Variants in ARNT2 observed in about 807,000 individuals in gnomAD.
ARNT2 encodes the protein aryl hydrocarbon receptor nuclear translocator 2.
In ARNT2, 36 loss-of-function variants were observed where a neutral mutation model predicts 91.7. That is an observed-to-expected ratio of 0.39 (90% CI 0.30 to 0.52). The LOEUF is 0.52. Among genes scored for constraint, ARNT2 ranks in the 20% least tolerant of loss-of-function variants. ARNT2 has a pLI of 0.72. For missense variants in ARNT2, 775 were observed against 939.3 expected (o/e 0.83, Z 2.29); for synonymous variants, 365 against 347.1 (o/e 1.05, Z -0.57).
At chr15:80,528,483 A>G (rs1048928235) in intron 8 of ARNT2, among the ~76,000 whole-genome samples, 4 of 151,828 alleles carry the variant, frequency 2.6e-5, no homozygotes, top group Admixed American at 2.6e-4. Context: ...CCATCTAACT[A>G]TCTATCTACT....
chr15:80,591,819 C>A lies in ARNT2; in HGVS notation c.2055+115C>A, dbSNP rs562542646. The A allele has an allele frequency of 6.6e-7, 1 of 1,510,600 alleles. No individual in the cohort carries two copies. Among genetic ancestry groups the A allele is most frequent in the African/African-American group, 1.4e-5 (1 of 73,000 alleles). 93.6% of individuals were successfully genotyped at this position (1,510,600 alleles called of 1,614,324 possible). A position where few individuals can be genotyped will look rare whatever the true frequency, so the allele number is the denominator to read the frequency against. ...CCGATAGCCGTCGTGAGTTCTGGCC[C>A]AGCCTGGGCTCGAGGGAGTCCAGGA... On this transcript the variant is annotated intron_variant, in intron 18 of 18. Transcript: ENST00000303329. The surrounding 1 kb of genome is among the most constrained non-coding windows in gnomAD (Gnocchi z 5.1).
intron 12 of ARNT2, among the ~76,000 whole-genome samples, chr15:80,563,634 G>A (rs1898413740): frequency 6.6e-6 from 1 of 152,168 alleles, no homozygotes; most frequent in Admixed American, 6.5e-5. Context: ...AGCCGGGGGT[G>A]GAGGAAGGGA....
intron 18 of ARNT2, among the ~76,000 whole-genome samples, chr15:80,592,130 G>A (rs770403542): frequency 6.6e-6 from 1 of 152,142 alleles, no homozygotes; most frequent in Admixed American, 6.5e-5. Context: ...CCCTTGCTCA[G>A]TGCCAGCCTT....
At chr15:80,588,465 G>T (rs1047072234) in intron 17 of ARNT2, among the ~76,000 whole-genome samples, 2 of 151,848 alleles carry the variant, frequency 1.3e-5, no homozygotes, top group Non-Finnish European at 2.9e-5. Context: ...ACACATCTGT[G>T]TGCTTCCTGC....
At chr15:80,438,731 G>A (rs528311251) in intron 1 of ARNT2, among the ~76,000 whole-genome samples, 1 of 152,136 alleles carries the variant, frequency 6.6e-6, no homozygotes, top group East Asian at 1.9e-4. Context: ...GCACTGTCAC[G>A]TGGGCTGCAG....
chr15:80,461,663 G>A (rs918440430), intron 3 of ARNT2, among the ~76,000 whole-genome samples: 1 of 152,056 alleles, frequency 6.6e-6, no homozygotes, highest in Non-Finnish European at 1.5e-5. Flanking sequence ...CTTGGGGGTG[G>A]TCTGGGGGCA....
intron 8 of ARNT2, among the ~76,000 whole-genome samples, chr15:80,521,683 G>A (rs971076609): frequency 2.6e-5 from 4 of 151,978 alleles, no homozygotes; most frequent in Non-Finnish European, 4.4e-5. Context: ...TTGAAGAAAC[G>A]CCAATGCCAT....
intron 5 of ARNT2, among the ~76,000 whole-genome samples, chr15:80,480,389 G>A (rs956768343): frequency 3.3e-5 from 5 of 152,080 alleles, no homozygotes; most frequent in East Asian, 1.9e-4. Context: ...TGTGCCTTCC[G>A]GTGGCCTTTC....
At chr15:80,471,116 T>C (rs1896725820) in intron 4 of ARNT2, among the ~76,000 whole-genome samples, 1 of 152,246 alleles carries the variant, frequency 6.6e-6, no homozygotes, top group Non-Finnish European at 1.5e-5. Flanking sequence ...AGCAAAGACA[T>C]GGACTCAACA....
Position 80,485,462 on chromosome 15 carries a change from T to A in ARNT2, c.622+10239T>A, listed in dbSNP as rs142481708. 1.1e-3 allele frequency among the ~76,000 whole-genome samples: 169 copies of A among 152,304 alleles called. 1 individual carries two copies. Among genetic ancestry groups the A allele is most frequent in the African/African-American group, 4.0e-3 (165 of 41,570 alleles). On this transcript the variant is annotated intron_variant, in intron 5 of 18. Transcript: ENST00000303329. ...TAAAACCCATGTGGCCTGGCTCTTGTGGAGTTTACAGTTCAGTGGGGAAAA... is the reference window on the plus strand; with the variant it reads ...TAAAACCCATGTGGCCTGGCTCTTGAGGAGTTTACAGTTCAGTGGGGAAAA...
At chr15:80,503,105 G>A (rs1451663570) in intron 5 of ARNT2, among the ~76,000 whole-genome samples, 2 of 152,164 alleles carry the variant, frequency 1.3e-5, no homozygotes, top group Admixed American at 1.3e-4. Flanking sequence ...GGCTTCTGTG[G>A]GTCAGGAATG....
intron 8 of ARNT2, among the ~76,000 whole-genome samples, chr15:80,522,646 C>T (rs1055371869): frequency 6.6e-6 from 1 of 151,808 alleles, no homozygotes; most frequent in Admixed American, 6.6e-5. Flanking sequence ...TATATCTAAA[C>T]ATAGAAAAGG....
At chr15:80,441,305 A>G (rs949640269) in intron 1 of ARNT2, 1 of 984,998 alleles carries the variant, frequency 1.0e-6, no homozygotes, top group Non-Finnish European at 1.2e-6. Flanking sequence ...CATTTCTTCT[A>G]CACGGATAAC....
chr15:80,426,147 A>ATTTGCAATTCAATT (rs1259226781), intron 1 of ARNT2, among the ~76,000 whole-genome samples: 1 of 152,224 alleles, frequency 6.6e-6, no homozygotes, highest in East Asian at 1.9e-4. Flanking sequence ...TCAGTGAAGC[A>ATTTGCAATTCAATT]GCAAAATGCT....
intron 8 of ARNT2, among the ~76,000 whole-genome samples, chr15:80,538,323 A>G (rs1303055962): frequency 2.0e-5 from 3 of 152,232 alleles, no homozygotes; most frequent in Admixed American, 6.5e-5. Flanking sequence ...TAGATATTCA[A>G]TGTCAAATTT....
chr15:80,437,687 C>T (rs1243685993), intron 1 of ARNT2, among the ~76,000 whole-genome samples: 1 of 152,158 alleles, frequency 6.6e-6, no homozygotes, highest in East Asian at 1.9e-4. Context: ...TTCACAACTG[C>T]CGGCTTCTGT....
At position 80,429,246 on chromosome 15, in the gene ARNT2, G is replaced by A. The variant is rs563016503; in HGVS notation, c.32-21634G>A. On this transcript the variant is annotated intron_variant, in intron 1 of 18. Coordinates refer to ENST00000303329, the MANE Select transcript of ARNT2 (RefSeq NM_014862.4). ...GACAGCTTCAAGAAGGGGCTGGGCC[G>A]TGCTCTGTGCAGGATTAGAGGGTTG... Among the ~76,000 whole-genome samples the A allele has an allele frequency of 5.3e-5, 8 of 152,338 alleles. No homozygotes were observed. The East Asian group carries it at 7.7e-4, about 15-fold the overall frequency.
At chr15:80,558,139 C>CT (rs1284858397) in intron 11 of ARNT2, among the ~76,000 whole-genome samples, 1 of 152,136 alleles carries the variant, frequency 6.6e-6, no homozygotes, top group Admixed American at 6.6e-5. Context: ...TATCCTTCAG[C>CT]TTTCCACTCA....
chr15:80,581,202 T>C, intron 16 of ARNT2, 37 bp from the exon 17 acceptor site: 1 of 1,609,476 alleles, frequency 6.2e-7, no homozygotes, highest in East Asian at 2.2e-5. Context: ...GGTCTGCTGG[T>C]GATGCTTTCC....
Sources: allele counts gnomAD v4.1 joint callset (sites outside exome capture counted in the v4.1 genomes callset), GRCh38; gene constraint gnomAD v4.1.1; non-coding constraint Gnocchi (gnomAD v3.1); transcripts MANE v1.5; gene names NCBI Gene and HGNC (gene_info 2026-07-23, HGNC 2026-07-21).